The following KCNQ1 variants were observed in gnomAD, a reference collection of about 807,000 sequenced individuals.
KCNQ1 encodes potassium voltage-gated channel subfamily Q member 1.
In KCNQ1, 49 loss-of-function variants were observed where a neutral mutation model predicts 72.4. The observed-to-expected ratio is 0.68, with a 90% CI of 0.54 to 0.86. KCNQ1 has a LOEUF of 0.86. KCNQ1 is among the 40% of genes least tolerant of loss of function. The pLI, the probability that KCNQ1 is intolerant of heterozygous loss-of-function variation, is 0.00. For synonymous variants in KCNQ1, 450 were observed against 412.6 expected (o/e 1.09, Z -1.10); for missense variants, 790 against 945.1 (o/e 0.84, Z 2.15).
At position 2,674,807 on chromosome 11, in the gene KCNQ1, G is replaced by T. The variant is rs1009841541; in HGVS notation, c.1514+12726G>T. ...TCGCCAACTGCTGGCCTTTGGAAAG[G>T]CTTGTCACCCTAATAGCTGTTTTTT... is the stretch of plus-strand genomic sequence containing the variant. On this transcript the variant is annotated intron_variant, in intron 11 of 15. Coordinates refer to ENST00000155840, the MANE Select transcript of KCNQ1 (RefSeq NM_000218.3). The surrounding 1 kb of genome is among the most constrained non-coding windows in gnomAD (Gnocchi z 5.9). The T allele has an allele frequency of 7.8e-6, 3 of 386,218 alleles. No individual in the cohort carries two copies. The highest frequency in any genetic ancestry group is 6.9e-5 in the African/African-American group (3 of 43,632). The allele number at this position is 386,218 out of a possible 1,614,324, so 23.9% of individuals were successfully genotyped here.
chr11:2,742,743 G>A (rs1338425737), intron 11 of KCNQ1, among the ~76,000 whole-genome samples: 2 of 152,254 alleles, frequency 1.3e-5, no homozygotes, highest in South Asian at 2.1e-4. Flanking sequence ...AATTCGGGGC[G>A]GTCCTGACAG....
intron 2 of KCNQ1, among the ~76,000 whole-genome samples, chr11:2,539,517 C>G (rs1405544763): frequency 6.6e-6 from 1 of 152,186 alleles, no homozygotes; most frequent in South Asian, 2.1e-4. Flanking sequence ...GACTCCACCG[C>G]GGCAGCCTGG....
Position 2,515,794 on chromosome 11 carries a change from A to C in KCNQ1, c.387-12134A>C, listed in dbSNP as rs949080291. Reference sequence around the variant, plus strand: ...TTGGTGTGGCCGGCCCTGGGAGCACAGAGCCCCGTTCCCAGCAGCCCTCGG... The same window carrying C: ...TTGGTGTGGCCGGCCCTGGGAGCACCGAGCCCCGTTCCCAGCAGCCCTCGG... On this transcript the variant is annotated intron_variant, in intron 1 of 15. Coordinates refer to ENST00000155840, the MANE Select transcript of KCNQ1 (RefSeq NM_000218.3). The surrounding 1 kb of genome is among the most constrained non-coding windows in gnomAD (Gnocchi z 4.7). Among the ~76,000 whole-genome samples, 9 of 152,058 alleles carry C rather than the reference A, an allele frequency of 5.9e-5. No individual in the cohort carries two copies. Among genetic ancestry groups the C allele is most frequent in the African/African-American group, 1.7e-4 (7 of 41,382 alleles).
chr11:2,753,753 C>T (rs1260635735), intron 11 of KCNQ1, among the ~76,000 whole-genome samples: 2 of 152,208 alleles, frequency 1.3e-5, no homozygotes, highest in Admixed American at 6.5e-5. Context: ...CTGGACCTTA[C>T]TCTAGTTCTT....
chr11:2,699,617 G>GAACCGCGCCGAAGAACCCCGGGGAC, intron 11 of KCNQ1: 1 of 354,244 alleles, frequency 2.8e-6, no homozygotes, highest in Non-Finnish European at 4.9e-6. Context: ...CCCCCGGAGA[G>GAACCGCGCCGAAGAACCCCGGGGAC]AACCGCGCCG....
intron 10 of KCNQ1, chr11:2,643,472 C>A (rs1291651548): frequency 5.0e-6 from 2 of 398,304 alleles, no homozygotes; most frequent in East Asian, 7.1e-5. Context: ...AGTATAGCTA[C>A]TCCTGTTTGG....
intron 10 of KCNQ1, chr11:2,637,256 T>C (rs770564799): frequency 6.6e-6 from 1 of 152,216 alleles, no homozygotes; most frequent in Non-Finnish European, 1.5e-5. Flanking sequence ...CTTCTCTAGT[T>C]CTTTTAATTG....
At chr11:2,490,442 C>T (rs1846816513) in intron 1 of KCNQ1, among the ~76,000 whole-genome samples, 1 of 152,166 alleles carries the variant, frequency 6.6e-6, no homozygotes, top group African/African-American at 2.4e-5. Context: ...AGGTGGTAGC[C>T]AGGTAGTGCT....
chr11:2,677,854 A>G lies in KCNQ1; in HGVS notation c.1514+15773A>G, dbSNP rs1238516628. 1 of 398,532 alleles carries G rather than the reference A, an allele frequency of 2.5e-6. No homozygotes were observed. 24.7% of individuals were successfully genotyped at this position (398,532 alleles called of 1,614,324 possible). On this transcript the variant is annotated intron_variant, in intron 11 of 15. Coordinates refer to ENST00000155840, the MANE Select transcript of KCNQ1 (RefSeq NM_000218.3). The surrounding 1 kb of genome is among the most constrained non-coding windows in gnomAD (Gnocchi z 4.5). ...GCCAAATAAGGGCTGTACCATTTACATCACTTTGACTGCACAAATGCACTT... is the reference window on the plus strand; with the variant it reads ...GCCAAATAAGGGCTGTACCATTTACGTCACTTTGACTGCACAAATGCACTT...
Position 2,573,776 on chromosome 11 carries a change from C to T in KCNQ1, c.921+790C>T, listed in dbSNP as rs142763262. On this transcript the variant is annotated intron_variant, in intron 6 of 15. Transcript: ENST00000155840. ...GTGCGGGAGGGGTGGGGCAGGGTGT[C>T]TTGGGCCGTGTCTGTGGGGGCTTCC... 6.6e-3 allele frequency among the ~76,000 whole-genome samples: 1,005 copies of T among 152,282 alleles called. 4 individuals carry two copies. Among genetic ancestry groups the T allele is most frequent in the Non-Finnish European group, 0.011 (746 of 68,014 alleles).
chr11:2,667,454 C>G (rs933120199), intron 11 of KCNQ1: 3 of 398,668 alleles, frequency 7.5e-6, no homozygotes, highest in Admixed American at 8.8e-5. Context: ...GGTCCTCAGC[C>G]AAGCAGATGG....
At position 2,671,096 on chromosome 11, in the gene KCNQ1, GTTA is replaced by G; in HGVS notation, c.1514+9016_1514+9018del. On this transcript the variant is annotated intron_variant, in intron 11 of 15. Coordinates refer to ENST00000155840, the MANE Select transcript of KCNQ1 (RefSeq NM_000218.3). This position sits in a 1 kb window ranked among gnomAD's most constrained non-coding sequence, Gnocchi z 4.7. The stretch of plus-strand genomic sequence containing the variant: ...CTGGCTAGCAGGAGGAAGTCTGGCA[GTTA>G]GTCTGAGCAGTTAGTCTGTCAGGCC... The G allele has an allele frequency of 7.9e-6, 1 of 126,242 alleles. No homozygotes were observed. 7.8% of individuals were successfully genotyped at this position (126,242 alleles called of 1,614,324 possible).
chr11:2,706,760 C>T (rs1246207727), intron 11 of KCNQ1, among the ~76,000 whole-genome samples: 1 of 152,204 alleles, frequency 6.6e-6, no homozygotes, highest in Non-Finnish European at 1.5e-5. Context: ...TGTCTTTGCT[C>T]TTGCAGAGTT....
rs376055299 is a variant in KCNQ1 at position 2,670,113 on chromosome 11, G to T, written c.1514+8032G>T. ...TGGACTGTGTCTCATGGCAGTCACA[G>T]GTGCCCCAGTATGCATCTGTCATTT... On this transcript the variant is annotated intron_variant, in intron 11 of 15. Coordinates refer to ENST00000155840, the MANE Select transcript of KCNQ1 (RefSeq NM_000218.3). This position sits in a 1 kb window ranked among gnomAD's most constrained non-coding sequence, Gnocchi z 4.9. 7.5e-5 allele frequency: 30 copies of T among 398,744 alleles called. No homozygotes were observed. Among genetic ancestry groups the T allele is most frequent in the East Asian group, 5.7e-4 (16 of 28,070 alleles). 24.7% of individuals were successfully genotyped at this position (398,744 alleles called of 1,614,324 possible).
rs976450649 is a variant in KCNQ1, at chr11:2,826,807, C to G, written c.1795-20960C>G. Among the ~76,000 whole-genome samples the G allele has an allele frequency of 1.3e-5, 2 of 152,256 alleles. No homozygotes were observed. Among genetic ancestry groups the G allele is most frequent in the African/African-American group, 4.8e-5 (2 of 41,476 alleles). On this transcript the variant is annotated intron_variant, in intron 15 of 15. Coordinates refer to ENST00000155840, the MANE Select transcript of KCNQ1 (RefSeq NM_000218.3). The surrounding 1 kb of genome is among the most constrained non-coding windows in gnomAD (Gnocchi z 4.2). ...GGGTGCTGGGGAGACACACTAACCA[C>G]TTCCCCATATGCTCACAGCCAGAGA...
At position 2,556,594 on chromosome 11, in the gene KCNQ1, A is replaced by G. The variant is rs151006224; in HGVS notation, c.478-14034A>G. Among the ~76,000 whole-genome samples, 762 of 152,274 alleles carry G rather than the reference A, an allele frequency of 5.0e-3. 3 individuals are homozygous for G. The highest frequency in any genetic ancestry group is 0.018 in the African/African-American group (732 of 41,550). ...GCCTGCAAAGCCTAAAATATTTACT[A>G]TCTGGCTTTAGAGAAAAAGCTTGTC... On this transcript the variant is annotated intron_variant, in intron 2 of 15. Coordinates refer to ENST00000155840, the MANE Select transcript of KCNQ1 (RefSeq NM_000218.3).
At chr11:2,795,089 C>T (rs1384465137) in intron 15 of KCNQ1, among the ~76,000 whole-genome samples, 4 of 152,202 alleles carry the variant, frequency 2.6e-5, no homozygotes, top group Non-Finnish European at 4.4e-5. Flanking sequence ...TCGCCACCTC[C>T]TCCCACGTCC....
chr11:2,596,240 A>G (rs1848731820), intron 10 of KCNQ1, among the ~76,000 whole-genome samples: 1 of 152,244 alleles, frequency 6.6e-6, no homozygotes, highest in Non-Finnish European at 1.5e-5. Context: ...GAGAATGCAA[A>G]GTCCAAAGCG....
intron 1 of KCNQ1, among the ~76,000 whole-genome samples, chr11:2,514,519 C>T (rs1468820279): frequency 1.3e-5 from 2 of 152,224 alleles, no homozygotes; most frequent in African/African-American, 4.8e-5. Flanking sequence ...GACCAAGCTA[C>T]AGCAAGAAAG....
Sources: gnomAD v4.1 joint callset for allele counts (sites outside exome capture counted in the v4.1 genomes callset) on GRCh38, gnomAD v4.1.1 for gene constraint, Gnocchi (gnomAD v3.1) non-coding constraint, MANE v1.5 for transcripts, NCBI Gene and HGNC (gene_info 2026-07-23, HGNC 2026-07-21) for gene names.